The following NRDE2 variants were observed in gnomAD, a reference collection of about 807,000 sequenced individuals.
The protein encoded by NRDE2 is NRDE-2, necessary for RNA interference, domain containing.
A neutral mutation model predicts 124.2 loss-of-function variants in NRDE2; 76 were observed. That is an observed-to-expected ratio of 0.61 (90% confidence interval 0.51 to 0.74). NRDE2 has a LOEUF of 0.74. Among genes scored for constraint, NRDE2 ranks in the 30% least tolerant of loss-of-function variants. The pLI is 0.00. For synonymous variants in NRDE2, 489 were observed against 528.1 expected (o/e 0.93, Z 1.01); for missense variants, 1,314 against 1,417.3 (o/e 0.93, Z 1.17).
At position 90,303,959 on chromosome 14, in the gene NRDE2, C is replaced by T. The variant is rs769337865; in HGVS notation, c.981G>A (p.Leu327=). The T allele has an allele frequency of 1.9e-6, 3 of 1,611,482 alleles. No individual in the cohort carries two copies. Among genetic ancestry groups the T allele is most frequent in the Non-Finnish European group, 2.5e-6 (3 of 1,178,324 alleles). ...RVRENPRDTQ[L]WMAFVAFQDE... ...CCTGAAAAGCAACAAATGCCATCCA[C>T]AGCTGCGTATCCCGAGGATTCTCCC... is the stretch of plus-strand genomic sequence containing the variant. The change falls in exon 5 of 14, where the codon CTG becomes CTA. Residue 327 remains leucine, a synonymous_variant. Coordinates refer to ENST00000354366, the MANE Select transcript of NRDE2 (RefSeq NM_017970.4).
At position 90,270,243 on chromosome 14, in the gene NRDE2, C is replaced by T; in HGVS notation, c.*8093G>A. The T allele has an allele frequency of 1.2e-6, 2 of 1,613,572 alleles. No homozygotes were observed. The highest frequency in any genetic ancestry group is 1.7e-6 in the Non-Finnish European group (2 of 1,179,798). On this transcript the variant is annotated 3_prime_UTR_variant, in exon 14 of 14. Coordinates refer to ENST00000354366, the MANE Select transcript of NRDE2 (RefSeq NM_017970.4). ...GAGTTCCCCCTGCCTGATGAAAAGA[C>T]GAAGAAGCGCATCTTTCAGATTCAC... is the stretch of plus-strand genomic sequence containing the variant.
At chr14:90,330,807 C>CAA (rs56298487) in intron 1 of NRDE2, among the ~76,000 whole-genome samples, 91 of 123,154 alleles carry the variant, frequency 7.4e-4, no homozygotes, top group African/African-American at 2.6e-3. Context: ...GACCCTGTCT[C>CAA]AAAAAAAAAA....
At chr14:90,309,170 A>T (rs1884731799) in intron 4 of NRDE2, among the ~76,000 whole-genome samples, 2 of 152,098 alleles carry the variant, frequency 1.3e-5, no homozygotes, top group South Asian at 4.1e-4. Flanking sequence ...CCCAAGAGAA[A>T]AAAGAAAGAA....
At chr14:90,312,298 AAGAG>A (rs1302851064) in intron 4 of NRDE2, 92 bp downstream of exon 4, 2 of 1,172,338 alleles carry the variant, frequency 1.7e-6, no homozygotes, top group Non-Finnish European at 2.5e-6. Flanking sequence ...GAACTGATGA[AAGAG>A]AGAAACAGGC....
chr14:90,309,958 T>TA (rs1177115398), intron 4 of NRDE2, among the ~76,000 whole-genome samples: 1 of 152,224 alleles, frequency 6.6e-6, no homozygotes, highest in Non-Finnish European at 1.5e-5. Flanking sequence ...TGCCATTCAT[T>TA]AGCAGAAGCT....
chr14:90,330,099 C>T (rs1240360617), intron 1 of NRDE2, among the ~76,000 whole-genome samples: 3 of 150,418 alleles, frequency 2.0e-5, no homozygotes, highest in African/African-American at 4.9e-5. Flanking sequence ...CCCAGCTACT[C>T]GGGAGGCTGA....
chr14:90,302,422 G>A (rs1015573155), intron 6 of NRDE2, among the ~76,000 whole-genome samples: 1 of 152,082 alleles, frequency 6.6e-6, no homozygotes, highest in Non-Finnish European at 1.5e-5. Flanking sequence ...CATGCATCTC[G>A]ACAGATAAGG....
At position 90,277,665 on chromosome 14, in the gene NRDE2, G is replaced by A. The variant is rs1046240038; in HGVS notation, c.*671C>T. On this transcript the variant is annotated 3_prime_UTR_variant, in exon 14 of 14. Transcript: ENST00000354366. Reference sequence around the variant, plus strand: ...GGCTTGGGAGCAGGCTTCCCCCAGAGGCTGCCAGTGCCCCGGGCAGCCTTC... The same window carrying A: ...GGCTTGGGAGCAGGCTTCCCCCAGAAGCTGCCAGTGCCCCGGGCAGCCTTC... The A allele has an allele frequency of 2.0e-5, 3 of 152,314 alleles. No individual in the cohort carries two copies. Among genetic ancestry groups the A allele is most frequent in the Non-Finnish European group, 2.9e-5 (2 of 68,122 alleles). The allele number at this position is 152,314 out of a possible 1,614,324, so 9.4% of individuals were successfully genotyped here.
intron 13 of NRDE2, 176 bp from the exon 14 acceptor site, chr14:90,278,637 G>T (rs79334826): frequency 1.4e-6 from 1 of 710,218 alleles, no homozygotes. Context: ...TGTTCAGGAA[G>T]GACACTGAAC....
chr14:90,297,093 C>T (rs190742179), intron 8 of NRDE2, among the ~76,000 whole-genome samples: 28 of 148,396 alleles, frequency 1.9e-4, no homozygotes, highest in African/African-American at 6.8e-4. Flanking sequence ...GAGCCAAGAT[C>T]GAGCCACTAC....
At position 90,292,878 on chromosome 14, in the gene NRDE2, C is replaced by G; in HGVS notation, c.1667-6G>C. The G allele has an allele frequency of 6.2e-7, 1 of 1,610,684 alleles. No homozygotes were observed. Among genetic ancestry groups the G allele is most frequent in the South Asian group, 1.1e-5 (1 of 90,998 alleles). On this transcript the variant is annotated splice_region_variant and splice_polypyrimidine_tract_variant and intron_variant, in intron 8 of 13. Coordinates refer to ENST00000354366, the MANE Select transcript of NRDE2 (RefSeq NM_017970.4). Reference sequence around the variant, plus strand: ...TGGTTCATCGTCATCCTCATCTAGACAAGAATGAGACTTCTTCACCTCATC... The same window carrying G: ...TGGTTCATCGTCATCCTCATCTAGAGAAGAATGAGACTTCTTCACCTCATC...
chr14:90,279,211 C>T (rs980568302), intron 12 of NRDE2, 78 bp from the exon 13 acceptor site: 25 of 1,108,716 alleles, frequency 2.3e-5, no homozygotes, highest in Middle Eastern at 2.0e-4. Flanking sequence ...CCCTGGATGA[C>T]GGGCACAAGC....
At chr14:90,305,662 GA>G (rs1372718557) in intron 4 of NRDE2, among the ~76,000 whole-genome samples, 3 of 152,182 alleles carry the variant, frequency 2.0e-5, no homozygotes, top group Non-Finnish European at 2.9e-5. Context: ...AAAGAAGCCA[GA>G]AGCCAGATAC....
intron 12 of NRDE2, among the ~76,000 whole-genome samples, chr14:90,283,713 G>GC (rs538732133): frequency 1.6e-3 from 233 of 142,504 alleles, no homozygotes; most frequent in Non-Finnish European, 2.5e-3. Context: ...CAGGTTTTTT[G>GC]TTTTTTTTTT....
chr14:90,309,694 T>C (rs1884757468), intron 4 of NRDE2, among the ~76,000 whole-genome samples: 1 of 152,200 alleles, frequency 6.6e-6, no homozygotes, highest in Non-Finnish European at 1.5e-5. Flanking sequence ...TTGACTTCTA[T>C]GCACTTGAGG....
At chr14:90,321,788 G>T (rs1345403611) in intron 1 of NRDE2, among the ~76,000 whole-genome samples, 2 of 152,168 alleles carry the variant, frequency 1.3e-5, no homozygotes, top group Non-Finnish European at 2.9e-5. Context: ...AAAGATTTTG[G>T]AAGTCCTCTA....
chr14:90,330,650 A>G (rs1885652954), intron 1 of NRDE2, among the ~76,000 whole-genome samples: 1 of 152,026 alleles, frequency 6.6e-6, no homozygotes, highest in Non-Finnish European at 1.5e-5. Context: ...GTCTCTACTA[A>G]ATATTAAAAA....
intron 3 of NRDE2, among the ~76,000 whole-genome samples, chr14:90,315,401 G>A (rs943175308): frequency 3.9e-5 from 6 of 151,908 alleles, no homozygotes; most frequent in Admixed American, 3.3e-4. Flanking sequence ...CTGAAGAGTT[G>A]CAAAAACCTC....
chr14:90,298,713 A>G (rs1884275565), intron 7 of NRDE2, among the ~76,000 whole-genome samples: 1 of 152,182 alleles, frequency 6.6e-6, no homozygotes, highest in Non-Finnish European at 1.5e-5. Context: ...AGACCAGCTG[A>G]GGTTCAGCAA....
Sources: allele counts gnomAD v4.1 joint callset (sites outside exome capture counted in the v4.1 genomes callset), GRCh38; gene constraint gnomAD v4.1.1; transcripts MANE v1.5; gene names NCBI Gene and HGNC (gene_info 2026-07-23, HGNC 2026-07-21).